HIP1: variants seen among roughly 807,000 people sequenced by gnomAD.
The protein encoded by HIP1 is huntingtin-interacting protein 1.
In HIP1, 65 loss-of-function variants were observed where a neutral mutation model predicts 147.6. That is an observed-to-expected ratio of 0.44 (90% CI 0.36 to 0.54). The LOEUF (loss-of-function observed/expected upper bound fraction) is 0.54, where lower values mean the gene tolerates loss of function less well. Ranked by LOEUF, HIP1 falls within the 20% of genes least tolerant of loss-of-function variation. The pLI is 0.00. For missense variants in HIP1, 1,061 were observed against 1,299.6 expected, an observed-to-expected ratio of 0.82 and a Z score of 2.82; for synonymous variants, 479 against 504.0, an observed-to-expected ratio of 0.95 and a Z score of 0.67.
In HIP1 at chr7:75,562,915, C is replaced by T. The variant is rs1414002636; in HGVS notation, c.1020+20G>A. Reference sequence around the variant, plus strand: ...GCAGGTGAGAGGAAAGGCCAAGTTTCTCTCCCAAGTGGTCCTCACCTGCTG... The same window carrying T: ...GCAGGTGAGAGGAAAGGCCAAGTTTTTCTCCCAAGTGGTCCTCACCTGCTG... On this transcript the variant is annotated intron_variant, in intron 11 of 30. Coordinates refer to ENST00000336926, the MANE Select transcript of HIP1 (RefSeq NM_005338.7). 1.2e-6 allele frequency: 2 copies of T among 1,613,608 alleles called. No individual in the cohort carries two copies. Among genetic ancestry groups the T allele is most frequent in the East Asian group, 2.2e-5 (1 of 44,884 alleles).
intron 4 of HIP1, among the ~76,000 whole-genome samples, chr7:75,590,848 G>T (rs1223545237): frequency 6.6e-6 from 1 of 152,156 alleles, no homozygotes; most frequent in African/African-American, 2.4e-5. Flanking sequence ...ACCTAATTTT[G>T]TGACTTTAGG....
intron 30 of HIP1, 46 bp downstream of exon 30, chr7:75,539,277 T>C (rs1289432977): frequency 5.7e-6 from 8 of 1,413,100 alleles, no homozygotes; most frequent in Middle Eastern, 1.8e-4. Context: ...CCACACAGCT[T>C]CCCCTCCCTG....
In HIP1 at chr7:75,689,003, GCAAA is replaced by G. The variant is rs766955716; in HGVS notation, c.120+49794_120+49797del. Among the ~76,000 whole-genome samples the G allele has an allele frequency of 1.4e-3, 212 of 152,216 alleles. 1 individual carries two copies. The highest frequency in any genetic ancestry group is 4.2e-3 in the Admixed American group (64 of 15,272). On this transcript the variant is annotated intron_variant, in intron 1 of 30. Transcript: ENST00000336926. ...GGCAGCCAGTCACCATGATGTGAAA[GCAAA>G]CAAACAGAGTGTACGCCCAAAGAGA...
At chr7:75,716,060 C>T (rs1801308869) in intron 1 of HIP1, among the ~76,000 whole-genome samples, 2 of 152,044 alleles carry the variant, frequency 1.3e-5, no homozygotes, top group African/African-American at 4.8e-5. Flanking sequence ...AGGGATCCGC[C>T]CCCGTGACCC....
At chr7:75,715,357 A>G (rs543579335) in intron 1 of HIP1, among the ~76,000 whole-genome samples, 2 of 148,438 alleles carry the variant, frequency 1.3e-5, no homozygotes, top group South Asian at 2.2e-4. Flanking sequence ...TGCCAGTGCA[A>G]TCCAGCCTGG....
Position 75,541,168 on chromosome 7 carries a change from G to A in HIP1, c.2952+751C>T, listed in dbSNP as rs1218489717. Reference sequence around the variant, plus strand: ...TCCCAGCACTTTGGAAGGCCCAGGTGGGCAGATCACAAGGTCAGGAGTTTG... The same window carrying A: ...TCCCAGCACTTTGGAAGGCCCAGGTAGGCAGATCACAAGGTCAGGAGTTTG... On this transcript the variant is annotated intron_variant, in intron 29 of 30. Coordinates refer to ENST00000336926, the MANE Select transcript of HIP1 (RefSeq NM_005338.7). Among the ~76,000 whole-genome samples, 3 of 151,158 alleles carry A rather than the reference G, an allele frequency of 2.0e-5. No individual in the cohort carries two copies. In the East Asian group the frequency reaches 5.8e-4, roughly 29 times the overall value.
At chr7:75,595,251 T>TTCCTTC (rs1796675604) in intron 2 of HIP1, among the ~76,000 whole-genome samples, 19 of 59,486 alleles carry the variant, frequency 3.2e-4, no homozygotes, top group Non-Finnish European at 4.0e-4. Flanking sequence ...TTTCTTTCTT[T>TTCCTTC]CTTCCTTCCT....
intron 1 of HIP1, among the ~76,000 whole-genome samples, chr7:75,642,837 G>A (rs1350962040): frequency 6.6e-6 from 1 of 152,202 alleles, no homozygotes; most frequent in African/African-American, 2.4e-5. Context: ...CCTAGGATGG[G>A]AGGGTCTGAG....
At position 75,547,807 on chromosome 7, in the gene HIP1, G is replaced by A; in HGVS notation, c.2413C>T (p.Leu805Phe). The change falls in exon 24 of 31, where the codon CTC (leucine) becomes TTC (phenylalanine). Residue 805 changes from leucine to phenylalanine, a missense_variant. Transcript: ENST00000336926. ...GTGTCTCCTGCTCGGGATTTGCTGA[G>A]CATCTCCTGTGAAAAAGAAGCATGG... ...ETATARIEEMLSKSRAGDTGV... is the reference protein window; with the variant it reads ...ETATARIEEMFSKSRAGDTGV... 6.2e-7 allele frequency: 1 copy of A among 1,613,738 alleles called. No individual in the cohort carries two copies. The highest frequency in any genetic ancestry group is 1.1e-5 in the South Asian group (1 of 91,060).
chr7:75,558,175 G>C lies in HIP1; in HGVS notation c.1456C>G (p.Leu486Val). 1 of 1,613,480 alleles carries C rather than the reference G, an allele frequency of 6.2e-7. No individual in the cohort carries two copies. The highest frequency in any genetic ancestry group is 8.5e-7 in the Non-Finnish European group (1 of 1,179,478). ...GGGGCTGAGGGTCTTACCTTCCGCA[G>C]CAGGTCAGCGTGGTTCTGAACCAGC... ...SELVQNHADL[L>V]RKNAEVTKQV... Residue 486 changes from leucine (L) to valine (V), a missense_variant, in exon 15 of 31, where the codon CTG (leucine) becomes GTG (valine). Physicochemically the swap from Leu to Val is conservative, Grantham distance 32. This residue lies in a region of HIP1 where 810 missense variants were observed against 946.8 expected (regional missense o/e 0.86). Coordinates refer to ENST00000336926, the MANE Select transcript of HIP1 (RefSeq NM_005338.7).
chr7:75,676,585 T>A (rs1554516052), intron 1 of HIP1, among the ~76,000 whole-genome samples: 1 of 151,918 alleles, frequency 6.6e-6, no homozygotes, highest in Non-Finnish European at 1.5e-5. Context: ...GAGACCAGCC[T>A]GGCCAACATG....
In HIP1 at chr7:75,573,854, C is replaced by T; in HGVS notation, c.652G>A (p.Gly218Arg). ...ATCAGCGGGGCGAGGCGGCACTGCC[C>T]TGCTGCCGTCACGGACACAGAGCGG... ...MSRSVSVTAAGQCRLAPLIQV... is the reference protein window; with the variant it reads ...MSRSVSVTAARQCRLAPLIQV... The change falls in exon 8 of 31, where the codon GGG becomes AGG. Residue 218 changes from glycine (G) to arginine (R), a missense_variant. Gly to Arg is a moderately radical substitution (Grantham distance 125). This residue lies in a region of HIP1 where 225 missense variants were observed against 292.9 expected (regional missense o/e 0.77). Coordinates refer to ENST00000336926, the MANE Select transcript of HIP1 (RefSeq NM_005338.7). The T allele has an allele frequency of 6.2e-7, 1 of 1,614,086 alleles. No homozygotes were observed. Among genetic ancestry groups the T allele is most frequent in the Non-Finnish European group, 8.5e-7 (1 of 1,179,980 alleles).
At chr7:75,538,997 C>T (rs1554489319) in intron 30 of HIP1, among the ~76,000 whole-genome samples, 1 of 152,164 alleles carries the variant, frequency 6.6e-6, no homozygotes, top group East Asian at 1.9e-4. Context: ...ATTCATTTTT[C>T]AACTCTCTGC....
rs981169430 is a variant in HIP1, at chr7:75,566,835, G to T, written c.803+1364C>A. On this transcript the variant is annotated intron_variant, in intron 9 of 30. Coordinates refer to ENST00000336926, the MANE Select transcript of HIP1 (RefSeq NM_005338.7). ...TATTTGTTGAGATAGAAAAGAATGGGGAGGGGCTGGGCACAGTGACTCGCG... is the reference window on the plus strand; with the variant it reads ...TATTTGTTGAGATAGAAAAGAATGGTGAGGGGCTGGGCACAGTGACTCGCG... 4.0e-5 allele frequency among the ~76,000 whole-genome samples: 6 copies of T among 151,370 alleles called. No homozygotes were observed. The East Asian group carries it at 1.2e-3, about 29-fold the overall frequency.
chr7:75,720,295 G>A lies in HIP1; in HGVS notation c.120+18506C>T, dbSNP rs781896770. Among the ~76,000 whole-genome samples, 78 of 152,162 alleles carry A rather than the reference G, an allele frequency of 5.1e-4. No homozygotes were observed. In the Middle Eastern group the frequency reaches 0.014, roughly 27 times the overall value. Reference sequence around the variant, plus strand: ...CGTGCCTCAGCCTCCCAAGTAGCTGGGACTACAGGTGCCTGCCATCATGCC... The same window carrying A: ...CGTGCCTCAGCCTCCCAAGTAGCTGAGACTACAGGTGCCTGCCATCATGCC... On this transcript the variant is annotated intron_variant, in intron 1 of 30. Coordinates refer to ENST00000336926, the MANE Select transcript of HIP1 (RefSeq NM_005338.7).
At chr7:75,688,802 G>A (rs1800352064) in intron 1 of HIP1, among the ~76,000 whole-genome samples, 1 of 152,154 alleles carries the variant, frequency 6.6e-6, no homozygotes, top group Admixed American at 6.5e-5. Context: ...GAGTGGCCCC[G>A]TGGCCCCGGC....
intron 1 of HIP1, among the ~76,000 whole-genome samples, chr7:75,666,948 G>C (rs1414399527): frequency 2.0e-5 from 3 of 152,054 alleles, no homozygotes; most frequent in Admixed American, 1.3e-4. Context: ...CATTTATATA[G>C]TATGAGCACA....
intron 1 of HIP1, among the ~76,000 whole-genome samples, chr7:75,646,524 G>A (rs560712103): frequency 2.0e-5 from 3 of 152,222 alleles, no homozygotes; most frequent in African/African-American, 7.2e-5. Flanking sequence ...TGCTCCCAGC[G>A]AGCTTCACCA....
chr7:75,695,471 C>A (rs1554518655), intron 1 of HIP1, among the ~76,000 whole-genome samples: 2 of 152,208 alleles, frequency 1.3e-5, no homozygotes, highest in Admixed American at 6.6e-5. Flanking sequence ...AGCTCTGGGT[C>A]AGCTTCTCCA....
Sources: gnomAD v4.1 joint callset for allele counts (sites outside exome capture counted in the v4.1 genomes callset) on GRCh38, gnomAD v4.1.1 for gene constraint, gnomAD v4.1.1 regional missense constraint, MANE v1.5 for transcripts, NCBI Gene and HGNC (gene_info 2026-07-23, HGNC 2026-07-21) for gene names.